GAD1: variants seen among roughly 807,000 people sequenced by gnomAD.
GAD1 encodes glutamate decarboxylase 1.
In GAD1, 35 loss-of-function variants were observed where a neutral mutation model predicts 75.2. That is an observed-to-expected ratio of 0.47 (90% CI 0.36 to 0.62). The LOEUF (loss-of-function observed/expected upper bound fraction) is 0.62, where lower values mean the gene tolerates loss of function less well. Among genes scored for constraint, GAD1 ranks in the 20% least tolerant of loss-of-function variants. GAD1 has a pLI of 0.00. For missense variants in GAD1, 490 were observed against 758.5 expected, an observed-to-expected ratio of 0.65 and a Z score of 4.16; for synonymous variants, 257 against 271.9, an observed-to-expected ratio of 0.95 and a Z score of 0.54.
At chr2:170,830,134 C>A (rs1467787227) in intron 4 of GAD1, among the ~76,000 whole-genome samples, 2 of 152,204 alleles carry the variant, frequency 1.3e-5, no homozygotes, top group Non-Finnish European at 2.9e-5. Flanking sequence ...CTCTCCCAAA[C>A]AGCTCATAGG....
chr2:170,845,255 G>A (rs978841621), intron 7 of GAD1: 5 of 554,406 alleles, frequency 9.0e-6, no homozygotes, highest in South Asian at 7.9e-5. Flanking sequence ...GGTGGAAAGC[G>A]CACTGAAGTA....
chr2:170,831,923 G>A (rs1334971901), intron 5 of GAD1, among the ~76,000 whole-genome samples: 1 of 151,346 alleles, frequency 6.6e-6, no homozygotes. Context: ...CCAAGATCGT[G>A]CCACTGCACT....
intron 14 of GAD1, among the ~76,000 whole-genome samples, chr2:170,854,828 G>A (rs1702819054): frequency 6.6e-6 from 1 of 152,104 alleles, no homozygotes; most frequent in Non-Finnish European, 1.5e-5. Flanking sequence ...ATACTTTATT[G>A]TGAAAAATCC....
intron 2 of GAD1, among the ~76,000 whole-genome samples, chr2:170,819,589 G>GA (rs1437633861): frequency 1.3e-5 from 2 of 152,150 alleles, no homozygotes; most frequent in African/African-American, 4.8e-5. Flanking sequence ...CTTGAGATGA[G>GA]AAAATTGTTT....
At chr2:170,846,827 G>A (rs1575442496) in intron 10 of GAD1, among the ~76,000 whole-genome samples, 2 of 152,138 alleles carry the variant, frequency 1.3e-5, no homozygotes, top group African/African-American at 4.8e-5. Flanking sequence ...GCAACATAGG[G>A]TAACCCACAT....
At chr2:170,835,966 G>C (rs1449333443) in intron 5 of GAD1, among the ~76,000 whole-genome samples, 1 of 152,142 alleles carries the variant, frequency 6.6e-6, no homozygotes, top group Non-Finnish European at 1.5e-5. Flanking sequence ...GGGCTCTTAA[G>C]ATGCAGAGAC....
intron 4 of GAD1, 147 bp downstream of exon 4, chr2:170,829,780 G>A (rs534232218): frequency 2.3e-6 from 2 of 851,884 alleles, no homozygotes; most frequent in African/African-American, 1.7e-5. Flanking sequence ...GACTTTGGGG[G>A]AATATAATTG....
chr2:170,841,256 T>G (rs1702509681), intron 6 of GAD1, among the ~76,000 whole-genome samples: 1 of 152,204 alleles, frequency 6.6e-6, no homozygotes. Flanking sequence ...TCCTCAGTCA[T>G]TTAGGAAAAC....
In GAD1 at chr2:170,853,865, C is replaced by T. The variant is rs775018277; in HGVS notation, c.1264-8C>T. 7 of 1,613,998 alleles carry T rather than the reference C, an allele frequency of 4.3e-6. No homozygotes were observed. In the East Asian group the frequency reaches 1.3e-4, roughly 31 times the overall value. On this transcript the variant is annotated splice_polypyrimidine_tract_variant and splice_region_variant and intron_variant, in intron 13 of 16. Transcript: ENST00000358196. The surrounding 1 kb of genome is among the most constrained non-coding windows in gnomAD (Gnocchi z 4.1). ...ATGCAGATGCACCCATCTTAATTTC[C>T]ATGATAGGGTATACTCCAAGGATGC... is the stretch of plus-strand genomic sequence containing the variant.
At chr2:170,822,229 C>A (rs1701906073) in intron 3 of GAD1, 80 bp downstream of exon 3, 4 of 1,175,282 alleles carry the variant, frequency 3.4e-6, no homozygotes, top group Non-Finnish European at 5.0e-6. Flanking sequence ...GGGACGCAAG[C>A]GGAGGGGGAT....
chr2:170,858,976 A>C (rs1184966401), intron 16 of GAD1, 83 bp downstream of exon 16: 2 of 1,202,204 alleles, frequency 1.7e-6, no homozygotes, highest in Non-Finnish European at 2.5e-6. Context: ...GTGCCTTTCT[A>C]GTGGGGGAAA....
chr2:170,850,081 T>A (rs1290336567), intron 12 of GAD1, among the ~76,000 whole-genome samples: 1 of 152,168 alleles, frequency 6.6e-6, no homozygotes, highest in Non-Finnish European at 1.5e-5. Flanking sequence ...CAGGTAGGAG[T>A]TGATGTGAAT....
intron 5 of GAD1, among the ~76,000 whole-genome samples, chr2:170,832,359 C>A (rs998250252): frequency 3.3e-5 from 5 of 152,074 alleles, no homozygotes; most frequent in African/African-American, 1.2e-4. Context: ...ATGCATCGCT[C>A]CAACCTCTGC....
At chr2:170,858,666 G>A (rs1559288077) in intron 15 of GAD1, 138 bp from the exon 16 acceptor site, 1 of 754,534 alleles carries the variant, frequency 1.3e-6, no homozygotes, top group Non-Finnish European at 2.3e-6. Flanking sequence ...TGGTGTGGAA[G>A]TAACATTGCC....
At chr2:170,847,856 G>A (rs1418067932) in intron 11 of GAD1, 64 bp downstream of exon 11, 28 of 1,070,964 alleles carry the variant, frequency 2.6e-5, no homozygotes, top group Admixed American at 1.7e-5. Flanking sequence ...TTTATGACTT[G>A]CCTCAAGCTT....
At chr2:170,846,246 G>GT (rs1307313789) in intron 10 of GAD1, among the ~76,000 whole-genome samples, 183 bp downstream of exon 10, 1 of 152,034 alleles carries the variant, frequency 6.6e-6, no homozygotes, top group African/African-American at 2.4e-5. Flanking sequence ...CAATATCAGG[G>GT]TTTTTTTAAA....
intron 13 of GAD1, 97 bp downstream of exon 13, chr2:170,852,889 C>G: frequency 9.4e-7 from 1 of 1,061,042 alleles, no homozygotes; most frequent in Non-Finnish European, 1.5e-6. Context: ...TGTTGGCTGA[C>G]TCACGAGATT....
chr2:170,816,740 T>G (rs1330474784), upstream of GAD1: 3 of 151,922 alleles, frequency 2.0e-5, no homozygotes, highest in African/African-American at 7.3e-5. Context: ...CCAGAGGCGG[T>G]CAGGCACCTG....
At chr2:170,836,914 C>A (rs777241006) in intron 6 of GAD1, 31 bp downstream of exon 6, 4 of 1,452,300 alleles carry the variant, frequency 2.8e-6, no homozygotes, top group Admixed American at 3.4e-5. Context: ...TATAAGCAAC[C>A]CTGATGTATG....
Sources: gnomAD v4.1 joint callset for allele counts (sites outside exome capture counted in the v4.1 genomes callset) on GRCh38, gnomAD v4.1.1 for gene constraint, Gnocchi (gnomAD v3.1) non-coding constraint, MANE v1.5 for transcripts, NCBI Gene and HGNC (gene_info 2026-07-23, HGNC 2026-07-21) for gene names.